The following NELL1 variants were observed in gnomAD, a reference collection of about 807,000 sequenced individuals.
The protein encoded by NELL1 is protein kinase C-binding protein NELL1.
A neutral mutation model predicts 107.4 loss-of-function variants in NELL1; 76 were observed. That is an observed-to-expected ratio of 0.71 (90% CI 0.59 to 0.86). The LOEUF is 0.86. Among genes scored for constraint, NELL1 ranks in the 40% least tolerant of loss-of-function variants. NELL1 has a pLI of 0.00. For missense variants in NELL1, 1,024 were observed against 1,005.5 expected (o/e 1.02, Z -0.25); for synonymous variants, 353 against 341.2 (o/e 1.03, Z -0.38).
rs79596547 is a variant in NELL1 at position 21,482,902 on chromosome 11, A to G, written c.1646-51472A>G. 4.1e-3 allele frequency among the ~76,000 whole-genome samples: 623 copies of G among 152,276 alleles called. 9 individuals are homozygous for G. In the East Asian group the frequency reaches 0.086, roughly 21 times the overall value. On this transcript the variant is annotated intron_variant, in intron 15 of 19. Coordinates refer to ENST00000357134, the MANE Select transcript of NELL1 (RefSeq NM_006157.5). ...AAAATAACTGTCATAGAACATTTAT[A>G]TACCTGAAAATTGATGTGATGGATT...
At chr11:21,472,041 CT>C (rs1854195727) in intron 15 of NELL1, among the ~76,000 whole-genome samples, 1 of 151,972 alleles carries the variant, frequency 6.6e-6, no homozygotes, top group South Asian at 2.1e-4. Flanking sequence ...TCAGGAGGGA[CT>C]TTAGTATTAG....
At chr11:20,768,086 T>G (rs1856570147) in intron 2 of NELL1, among the ~76,000 whole-genome samples, 1 of 152,210 alleles carries the variant, frequency 6.6e-6, no homozygotes, top group Admixed American at 6.5e-5. Context: ...ATATTATTAT[T>G]AATAATCACT....
At chr11:20,870,732 C>T (rs1240622561) in intron 4 of NELL1, among the ~76,000 whole-genome samples, 1 of 152,180 alleles carries the variant, frequency 6.6e-6, no homozygotes, top group African/African-American at 2.4e-5. Context: ...TATTGAATGC[C>T]TCACATTTAA....
At chr11:21,514,856 G>A (rs1855519179) in intron 15 of NELL1, among the ~76,000 whole-genome samples, 1 of 152,128 alleles carries the variant, frequency 6.6e-6, no homozygotes, top group Non-Finnish European at 1.5e-5. Context: ...TATTATTGAG[G>A]ACTGGCTTCC....
intron 12 of NELL1, among the ~76,000 whole-genome samples, chr11:21,083,919 G>A (rs1854328131): frequency 6.6e-6 from 1 of 152,090 alleles, no homozygotes; most frequent in African/African-American, 2.4e-5. Context: ...TACCATTTTT[G>A]TAATCGTATT....
intron 2 of NELL1, among the ~76,000 whole-genome samples, chr11:20,775,586 G>C (rs1039526605): frequency 3.3e-5 from 5 of 152,130 alleles, no homozygotes; most frequent in Non-Finnish European, 7.3e-5. Flanking sequence ...TGCGGTGGGA[G>C]GTATGGGGAT....
intron 15 of NELL1, among the ~76,000 whole-genome samples, chr11:21,487,727 A>C (rs1374747687): frequency 6.6e-6 from 1 of 152,184 alleles, no homozygotes; most frequent in African/African-American, 2.4e-5. Context: ...TAAAATATAT[A>C]GATTGGCTGA....
intron 15 of NELL1, among the ~76,000 whole-genome samples, chr11:21,527,254 C>A (rs997447428): frequency 6.6e-6 from 1 of 152,140 alleles, no homozygotes; most frequent in African/African-American, 2.4e-5. Flanking sequence ...TCAGCCTGGA[C>A]TTTATTGTCC....
intron 15 of NELL1, among the ~76,000 whole-genome samples, chr11:21,384,761 A>G (rs1020584968): frequency 2.6e-5 from 4 of 152,044 alleles, no homozygotes; most frequent in African/African-American, 9.6e-5. Flanking sequence ...CCATGTCCCT[A>G]CAAAGGACAT....
At chr11:21,516,184 C>T (rs2133949858) in intron 15 of NELL1, among the ~76,000 whole-genome samples, 1 of 152,274 alleles carries the variant, frequency 6.6e-6, no homozygotes, top group South Asian at 2.1e-4. Flanking sequence ...GGGAGGGTGA[C>T]ATATACTCCT....
chr11:21,310,206 G>T (rs2403658), intron 14 of NELL1, among the ~76,000 whole-genome samples: 3,077 of 152,156 alleles, frequency 0.02, 99 homozygotes, highest in African/African-American at 0.071. Context: ...GCAGAACTCA[G>T]ATTTGAAACC....
intron 15 of NELL1, among the ~76,000 whole-genome samples, chr11:21,458,421 A>C (rs1017416063): frequency 3.3e-5 from 5 of 152,308 alleles, no homozygotes; most frequent in African/African-American, 1.2e-4. Flanking sequence ...TACAAAGATA[A>C]TAATCACAGA....
chr11:21,044,351 T>A (rs1853306381), intron 12 of NELL1, among the ~76,000 whole-genome samples: 1 of 151,768 alleles, frequency 6.6e-6, no homozygotes, highest in South Asian at 2.1e-4. Context: ...TTCATAGGAG[T>A]GGTGAGGGCA....
rs1485795961 is a variant in NELL1 at position 21,348,109 on chromosome 11, A to G, written c.1550-22744A>G. On this transcript the variant is annotated intron_variant, in intron 14 of 19. Transcript: ENST00000357134. The stretch of plus-strand genomic sequence containing the variant: ...TGCAACTTGGGTTGCAATGTCTTCC[A>G]GAATAATTTTTTCTATTTAATATAA... Among the ~76,000 whole-genome samples the G allele has an allele frequency of 7.4e-5, 5 of 67,214 alleles. No homozygotes were observed. The East Asian group carries it at 1.5e-3, about 20-fold the overall frequency. 44.1% of individuals were successfully genotyped at this position (67,214 alleles called of 152,430 possible).
chr11:21,273,334 G>A (rs573287680), intron 14 of NELL1, among the ~76,000 whole-genome samples: 18 of 152,214 alleles, frequency 1.2e-4, no homozygotes, highest in South Asian at 2.1e-4. Flanking sequence ...GAAATGAAGC[G>A]AGAAGAGAAG....
chr11:21,233,151 T>C (rs1402511344), intron 14 of NELL1, among the ~76,000 whole-genome samples: 4 of 152,330 alleles, frequency 2.6e-5, no homozygotes, highest in African/African-American at 7.2e-5. Context: ...TCGATGCCCA[T>C]GTAAGGCGTC....
At chr11:20,971,598 GA>G (rs575414207) in intron 12 of NELL1, among the ~76,000 whole-genome samples, 17 of 152,112 alleles carry the variant, frequency 1.1e-4, no homozygotes, top group Non-Finnish European at 2.4e-4. Flanking sequence ...GCTTCCTGGC[GA>G]AGCTTGCCTG....
intron 3 of NELL1, among the ~76,000 whole-genome samples, chr11:20,800,777 G>A (rs1319097895): frequency 1.3e-5 from 2 of 152,178 alleles, no homozygotes; most frequent in Non-Finnish European, 2.9e-5. Flanking sequence ...GCTGGAAAAT[G>A]CAGCCTGCAG....
chr11:21,521,523 A>ATT (rs35932463), intron 15 of NELL1, among the ~76,000 whole-genome samples: 16 of 151,780 alleles, frequency 1.1e-4, no homozygotes, highest in South Asian at 1.0e-3. Context: ...TATATTGGTG[A>ATT]TTTTTTTTGG....
Sources: allele counts gnomAD v4.1 joint callset (sites outside exome capture counted in the v4.1 genomes callset), GRCh38; gene constraint gnomAD v4.1.1; transcripts MANE v1.5; gene names NCBI Gene and HGNC (gene_info 2026-07-23, HGNC 2026-07-21).